The following SYN3 variants were observed in gnomAD, a reference collection of about 807,000 sequenced individuals.
SYN3 encodes synapsin III, also known as synapsin-3.
A neutral mutation model predicts 65.8 loss-of-function variants in SYN3; 35 were observed. The observed-to-expected ratio is 0.53, with a 90% CI of 0.41 to 0.70. The LOEUF is 0.70. Among genes scored for constraint, SYN3 ranks in the 30% least tolerant of loss-of-function variants. SYN3 has a pLI of 0.00. For missense variants in SYN3, 680 were observed against 749.0 expected, an observed-to-expected ratio of 0.91 and a Z score of 1.08; for synonymous variants, 270 against 292.9, an observed-to-expected ratio of 0.92 and a Z score of 0.80.
chr22:32,953,126 G>A (rs2146837272), intron 3 of SYN3, among the ~76,000 whole-genome samples: 1 of 152,350 alleles, frequency 6.6e-6, no homozygotes, highest in South Asian at 2.1e-4. Flanking sequence ...CCTCATAGTT[G>A]ATAAGAAAAC....
At chr22:32,739,764 T>C (rs965352032) in intron 6 of SYN3, among the ~76,000 whole-genome samples, 7 of 152,228 alleles carry the variant, frequency 4.6e-5, no homozygotes, top group African/African-American at 1.7e-4. Flanking sequence ...TCCTGAACCA[T>C]GTCATTTGTT....
intron 6 of SYN3, among the ~76,000 whole-genome samples, chr22:32,630,252 G>A (rs2146811979): frequency 6.6e-6 from 1 of 152,154 alleles, no homozygotes; most frequent in Admixed American, 6.5e-5. Flanking sequence ...AGAGTGCTGG[G>A]ATTACAGGCC....
In SYN3 at chr22:32,518,263, G is replaced by A. The variant is rs2057813554; in HGVS notation, c.1390C>T (p.Gln464Ter). Residue 464 changes from glutamine to a stop codon, truncating the protein, a stop_gained, in exon 13 of 14, where the codon CAA becomes TAA. Coordinates refer to ENST00000358763, the MANE Select transcript of SYN3 (RefSeq NM_003490.4). LOFTEE classifies it high-confidence loss of function. The part of the protein sequence containing the change: ...GSPSQQRLSP[Q>*]GQQPLSPQSG... Reference sequence around the variant, plus strand: ...TGGGGGCTCAGGGGCTGCTGGCCTTGTGGGGAGAGCCTCTGTTGGGAGGGG... The same window carrying A: ...TGGGGGCTCAGGGGCTGCTGGCCTTATGGGGAGAGCCTCTGTTGGGAGGGG... The A allele has an allele frequency of 6.2e-7, 1 of 1,613,082 alleles. No individual in the cohort carries two copies.
intron 3 of SYN3, among the ~76,000 whole-genome samples, chr22:32,934,085 A>C (rs2050709682): frequency 6.6e-6 from 1 of 152,210 alleles, no homozygotes; most frequent in South Asian, 2.1e-4. Flanking sequence ...CTAGTTATTA[A>C]GTTTAATGCC....
chr22:32,567,021 G>A (rs1330275867), intron 7 of SYN3, among the ~76,000 whole-genome samples: 1 of 152,288 alleles, frequency 6.6e-6, no homozygotes, highest in South Asian at 2.1e-4. Flanking sequence ...TGATACAGGG[G>A]AATGGATTCT....
chr22:32,697,901 G>C (rs1298536836), intron 6 of SYN3, among the ~76,000 whole-genome samples: 1 of 152,150 alleles, frequency 6.6e-6, no homozygotes, highest in Non-Finnish European at 1.5e-5. Flanking sequence ...ATCAGCATGA[G>C]AGCATGCCTG....
chr22:32,738,267 G>A (rs1029093450), intron 6 of SYN3, among the ~76,000 whole-genome samples: 2 of 152,184 alleles, frequency 1.3e-5, no homozygotes, highest in Non-Finnish European at 2.9e-5. Flanking sequence ...TCAGCCCTAA[G>A]CGACTCTACT....
Position 32,846,518 on chromosome 22 carries a change from TCTCAGCG to T in SYN3, c.711+18390_711+18396del, listed in dbSNP as rs1160010511. 2.0e-5 allele frequency among the ~76,000 whole-genome samples: 3 copies of T among 152,190 alleles called. No individual in the cohort carries two copies. The East Asian group carries it at 5.8e-4, about 29-fold the overall frequency. ...AGGTTTGGGATGGACTACATACTGT[TCTCAGCG>T]CTTATATTAATACGACCCTCACAGC... is the stretch of plus-strand genomic sequence containing the variant. On this transcript the variant is annotated intron_variant, in intron 6 of 13. Transcript: ENST00000358763.
chr22:32,897,937 A>G (rs1218514380), intron 4 of SYN3, among the ~76,000 whole-genome samples: 1 of 152,014 alleles, frequency 6.6e-6, no homozygotes, highest in Admixed American at 6.6e-5. Flanking sequence ...CTCCCACCTC[A>G]GCCTCCCAAG....
At position 32,821,882 on chromosome 22, in the gene SYN3, G is replaced by A. The variant is rs189717074; in HGVS notation, c.711+43033C>T. ...ATTCTGTAAGAAGTTGAGGCCGAGC[G>A]CAGTGGCTCACGCCTGTAATCTCAG... On this transcript the variant is annotated intron_variant, in intron 6 of 13. Transcript: ENST00000358763. Among the ~76,000 whole-genome samples the A allele has an allele frequency of 9.5e-4, 145 of 152,300 alleles. 1 individual carries two copies. The highest frequency in any genetic ancestry group is 1.5e-3 in the Non-Finnish European group (100 of 68,020).
At position 32,512,652 on chromosome 22, in the gene SYN3, G is replaced by A. The variant is rs972510233; in HGVS notation, c.*1040C>T. 2 of 152,246 alleles carry A rather than the reference G, an allele frequency of 1.3e-5. No individual in the cohort carries two copies. The highest frequency in any genetic ancestry group is 4.8e-5 in the African/African-American group (2 of 41,460). 9.4% of individuals were successfully genotyped at this position (152,246 alleles called of 1,614,324 possible). ...TCCAAAAAAAGAAATACAAACAGCG[G>A]TTCCTAAACATATTTGGCCATGGGG... On this transcript the variant is annotated 3_prime_UTR_variant, in exon 14 of 14. Coordinates refer to ENST00000358763, the MANE Select transcript of SYN3 (RefSeq NM_003490.4).
intron 1 of SYN3, among the ~76,000 whole-genome samples, chr22:33,012,833 G>A (rs995542024): frequency 1.3e-5 from 2 of 152,274 alleles, no homozygotes; most frequent in Admixed American, 6.5e-5. Context: ...GCCAGGTGGC[G>A]TGGGAAGAGC....
intron 10 of SYN3, among the ~76,000 whole-genome samples, chr22:32,532,238 G>T: frequency 6.6e-6 from 1 of 152,416 alleles, no homozygotes; most frequent in Middle Eastern, 3.4e-3. Context: ...CCAAATCTGG[G>T]TTCATGTCTG....
Position 32,605,411 on chromosome 22 carries a change from A to G in SYN3, c.712-8675T>C, listed in dbSNP as rs539861443. 5.3e-5 allele frequency among the ~76,000 whole-genome samples: 8 copies of G among 152,268 alleles called. No homozygotes were observed. In the South Asian group the frequency reaches 1.7e-3, roughly 32 times the overall value. On this transcript the variant is annotated intron_variant, in intron 6 of 13. Transcript: ENST00000358763. ...GATGCAGTGGGGTAGACACCTGTAG[A>G]GCAGGCTTTAGGAAGAGTTCTCTGG...
chr22:32,888,913 C>T (rs1419751245), intron 4 of SYN3, among the ~76,000 whole-genome samples: 1 of 152,128 alleles, frequency 6.6e-6, no homozygotes, highest in African/African-American at 2.4e-5. Flanking sequence ...ATCTCTATTG[C>T]CCAGTTTAAG....
At chr22:32,864,765 C>G in intron 6 of SYN3, 150 bp downstream of exon 6, 1 of 674,230 alleles carries the variant, frequency 1.5e-6, no homozygotes, top group Non-Finnish European at 2.6e-6. Context: ...AATCCAGGCA[C>G]TCCCACAGGA....
intron 6 of SYN3, among the ~76,000 whole-genome samples, chr22:32,776,013 C>T (rs567550370): frequency 2.5e-4 from 38 of 152,272 alleles, no homozygotes; most frequent in African/African-American, 8.7e-4. Flanking sequence ...GCCCTAAATA[C>T]GATCACGTGT....
intron 7 of SYN3, among the ~76,000 whole-genome samples, chr22:32,549,637 G>A (rs572877024): frequency 2.0e-5 from 3 of 152,304 alleles, no homozygotes; most frequent in Non-Finnish European, 2.9e-5. Context: ...GCAGGCTCAC[G>A]CCTGTAATCC....
chr22:33,045,706 C>T (rs1456928786), intron 1 of SYN3, among the ~76,000 whole-genome samples: 1 of 151,980 alleles, frequency 6.6e-6, no homozygotes, highest in Admixed American at 6.6e-5. Flanking sequence ...TTGTGATCCG[C>T]ACACCTCGGC....
Sources: gnomAD v4.1 joint callset for allele counts (sites outside exome capture counted in the v4.1 genomes callset) on GRCh38, gnomAD v4.1.1 for gene constraint, MANE v1.5 for transcripts, NCBI Gene and HGNC (gene_info 2026-07-23, HGNC 2026-07-21) for gene names.